Variants in DLGAP1 observed in about 807,000 individuals in gnomAD.
DLGAP1 encodes DLG associated protein 1.
DLGAP1 carries 11 observed loss-of-function variants against 90.8 expected under a neutral mutation model. The observed-to-expected ratio is 0.12, with a 90% CI of 0.08 to 0.20. The LOEUF is 0.20. Among genes scored for constraint, DLGAP1 ranks in the 10% least tolerant of loss-of-function variants. DLGAP1 has a pLI of 1.00. For synonymous variants in DLGAP1, 558 were observed against 540.7 expected (o/e 1.03, Z -0.44); for missense variants, 1,050 against 1,333.8 (o/e 0.79, Z 3.31).
intron 1 of DLGAP1, among the ~76,000 whole-genome samples, chr18:4,361,676 CACTT>C (rs891348256): frequency 2.4e-4 from 36 of 152,256 alleles, no homozygotes; most frequent in Admixed American, 2.2e-3. Context: ...AGCTTCGAAA[CACTT>C]AATTTGGCAA....
intron 3 of DLGAP1, among the ~76,000 whole-genome samples, chr18:3,982,118 A>G (rs773090653): frequency 6.6e-6 from 1 of 152,206 alleles, no homozygotes; most frequent in Non-Finnish European, 1.5e-5. Context: ...AAAGATCTTC[A>G]TGGAATGGAA....
rs77051377 is a variant in DLGAP1 at position 4,283,869 on chromosome 18, C to T, written c.-266-132582G>A. On this transcript the variant is annotated intron_variant, in intron 1 of 12. Transcript: ENST00000315677. ...CAACATACAGCTATATCCAAACTGG[C>T]GAATGAATATGCTTTTGTCTCATCC... 6.6e-3 allele frequency among the ~76,000 whole-genome samples: 997 copies of T among 152,204 alleles called. 5 individuals are homozygous for T. The highest frequency in any genetic ancestry group is 0.022 in the African/African-American group (902 of 41,518).
chr18:3,955,894 A>T (rs1247373157), intron 3 of DLGAP1, among the ~76,000 whole-genome samples: 1 of 152,216 alleles, frequency 6.6e-6, no homozygotes, highest in Non-Finnish European at 1.5e-5. Flanking sequence ...ACTTTCCAAA[A>T]TAAAACACAT....
intron 5 of DLGAP1, among the ~76,000 whole-genome samples, chr18:3,765,207 A>T (rs1302227149): frequency 0.015 from 1,312 of 90,110 alleles, 23 homozygotes; most frequent in African/African-American, 0.066. Context: ...GGCTCATTGC[A>T]GCAAGCTTTG....
chr18:3,921,506 GA>G (rs2072268716), intron 3 of DLGAP1, among the ~76,000 whole-genome samples: 1 of 152,146 alleles, frequency 6.6e-6, no homozygotes, highest in Non-Finnish European at 1.5e-5. Flanking sequence ...AAGAACTAGA[GA>G]ATGTATTAAC....
At chr18:4,082,185 C>CA (rs1182878991) in intron 2 of DLGAP1, among the ~76,000 whole-genome samples, 2 of 151,478 alleles carry the variant, frequency 1.3e-5, no homozygotes, top group East Asian at 2.0e-4. Context: ...TACTAAAATA[C>CA]AAAAAAATTA....
chr18:4,214,155 C>T lies in DLGAP1; in HGVS notation c.-266-62868G>A, dbSNP rs1265963997. 3.9e-5 allele frequency among the ~76,000 whole-genome samples: 6 copies of T among 152,012 alleles called. 1 individual carries two copies. The highest frequency in any genetic ancestry group is 3.9e-4 in the Admixed American group (6 of 15,262). On this transcript the variant is annotated intron_variant, in intron 1 of 12. Transcript: ENST00000315677. ...TTTATTTGTTTGAAGATAGACATGT[C>T]TAAACCTTACAAGAAAGAGACAGAA...
intron 1 of DLGAP1, among the ~76,000 whole-genome samples, chr18:4,392,749 C>T (rs2082364646): frequency 6.6e-6 from 1 of 152,188 alleles, no homozygotes; most frequent in African/African-American, 2.4e-5. Flanking sequence ...TCCAGCCTCA[C>T]ATTTCAAACT....
intron 5 of DLGAP1, among the ~76,000 whole-genome samples, chr18:3,754,479 T>C (rs1221176061): frequency 6.6e-6 from 1 of 151,786 alleles, no homozygotes; most frequent in Non-Finnish European, 1.5e-5. Context: ...AACTGTGGCC[T>C]AGAAATATTT....
chr18:4,298,773 A>T (rs867557731), intron 1 of DLGAP1, among the ~76,000 whole-genome samples: 8,411 of 149,108 alleles, frequency 0.056, 643 homozygotes, highest in African/African-American at 0.18. Flanking sequence ...TAAATAAATA[A>T]AAAAAAAAAA....
intron 7 of DLGAP1, among the ~76,000 whole-genome samples, chr18:3,690,311 T>A (rs1468497103): frequency 1.3e-5 from 2 of 152,060 alleles, no homozygotes; most frequent in Non-Finnish European, 2.9e-5. Context: ...AGTCTCAAAT[T>A]CCTGGGCTCA....
intron 3 of DLGAP1, among the ~76,000 whole-genome samples, chr18:3,955,588 C>A (rs994836644): frequency 1.3e-5 from 2 of 152,054 alleles, no homozygotes; most frequent in Non-Finnish European, 1.5e-5. Context: ...GTGGTGCATG[C>A]CTGTAATACC....
intron 1 of DLGAP1, among the ~76,000 whole-genome samples, chr18:4,178,202 A>AAC (rs59444096): frequency 0.075 from 8,898 of 118,312 alleles, 368 homozygotes; most frequent in African/African-American, 0.099. Flanking sequence ...TCCTGGAATA[A>AAC]ACACACACAC....
chr18:4,455,150 GCGGCGGCCGTTCGCGCCGC>G lies in DLGAP1; in HGVS notation c.-430_-412del, dbSNP rs1381334704. 2 of 151,686 alleles carry G rather than the reference GCGGCGGCCGTTCGCGCCGC, an allele frequency of 1.3e-5. No homozygotes were observed. Among genetic ancestry groups the G allele is most frequent in the African/African-American group, 4.8e-5 (2 of 41,400 alleles). The allele number at this position is 151,686 out of a possible 1,614,324, so 9.4% of individuals were successfully genotyped here. On this transcript the variant is annotated 5_prime_UTR_variant, in exon 1 of 13. Coordinates refer to ENST00000315677, the MANE Select transcript of DLGAP1 (RefSeq NM_004746.4). ...AGGACTCGAGAGAGGAGCCGAGGCG[GCGGCGGCCGTTCGCGCCGC>G]CTATGCTGCCGATTCCCCGAGGCGG...
chr18:4,101,076 T>C (rs72872634), intron 2 of DLGAP1, among the ~76,000 whole-genome samples: 45,036 of 152,112 alleles, frequency 0.3, 7,160 homozygotes, highest in African/African-American at 0.4. Flanking sequence ...ATTCTTCCTT[T>C]GCATTCACAA....
rs2075045750 is a variant in DLGAP1 at position 4,045,821 on chromosome 18, GCT to G, written c.-158-40622_-158-40621del. On this transcript the variant is annotated intron_variant, in intron 2 of 12. Coordinates refer to ENST00000315677, the MANE Select transcript of DLGAP1 (RefSeq NM_004746.4). Reference sequence around the variant, plus strand: ...TTTTTTTTTTTAAAGTTAGCATCTTGCTCTGTCACCAGGCTGTAGTGCAGTGG... The same window carrying G: ...TTTTTTTTTTTAAAGTTAGCATCTTGCTGTCACCAGGCTGTAGTGCAGTGG... Among the ~76,000 whole-genome samples, 7 of 131,372 alleles carry G rather than the reference GCT, an allele frequency of 5.3e-5. No individual in the cohort carries two copies. The Admixed American group carries it at 5.9e-4, about 11-fold the overall frequency. 86.2% of individuals were successfully genotyped at this position (131,372 alleles called of 152,430 possible).
At chr18:4,304,744 A>G (rs1439003432) in intron 1 of DLGAP1, among the ~76,000 whole-genome samples, 2 of 152,170 alleles carry the variant, frequency 1.3e-5, no homozygotes, top group Non-Finnish European at 2.9e-5. Flanking sequence ...CAGCCTGGCC[A>G]ACATGGTGAA....
intron 7 of DLGAP1, among the ~76,000 whole-genome samples, chr18:3,622,358 T>A: frequency 6.6e-6 from 1 of 152,266 alleles, no homozygotes; most frequent in East Asian, 1.9e-4. Flanking sequence ...GCCTGCTTCA[T>A]TCTCCCAAAG....
intron 6 of DLGAP1, among the ~76,000 whole-genome samples, chr18:3,739,302 T>C (rs1390628847): frequency 1.3e-5 from 2 of 150,532 alleles, no homozygotes; most frequent in African/African-American, 4.9e-5. Context: ...CTATAAATCA[T>C]GCTGCTATAA....
Sources: allele counts gnomAD v4.1 joint callset (sites outside exome capture counted in the v4.1 genomes callset), GRCh38; gene constraint gnomAD v4.1.1; transcripts MANE v1.5; gene names NCBI Gene and HGNC (gene_info 2026-07-23, HGNC 2026-07-21).